The following KDM5A variants were observed in gnomAD, a reference collection of about 807,000 sequenced individuals.
KDM5A encodes lysine-specific demethylase 5A.
A neutral mutation model predicts 193.5 loss-of-function variants in KDM5A; 42 were observed. That is an observed-to-expected ratio of 0.22 (90% CI 0.17 to 0.28). The LOEUF is 0.28. KDM5A is among the 10% of genes least tolerant of loss of function. The probability of loss-of-function intolerance (pLI) is 1.00; values close to 1 mark genes in which losing one functional copy is unlikely to be tolerated. For synonymous variants in KDM5A, 796 were observed against 718.1 expected, an observed-to-expected ratio of 1.11 and a Z score of -1.73; for missense variants, 1,692 against 2,055.1, an observed-to-expected ratio of 0.82 and a Z score of 3.42.
At chr12:300,347 T>A (rs1446582118) in intron 24 of KDM5A, among the ~76,000 whole-genome samples, 2 of 152,112 alleles carry the variant, frequency 1.3e-5, no homozygotes, top group African/African-American at 2.4e-5. Context: ...CAGACCACAG[T>A]GCAATCATAT....
chr12:371,271 G>C (rs1004381162), intron 3 of KDM5A, among the ~76,000 whole-genome samples: 1 of 152,166 alleles, frequency 6.6e-6, no homozygotes, highest in Non-Finnish European at 1.5e-5. Flanking sequence ...ATCCTCTCCA[G>C]CACCTGTTGT....
In KDM5A at chr12:333,412, C is replaced by T. The variant is rs1271876006; in HGVS notation, c.1653+75G>A. On this transcript the variant is annotated intron_variant, in intron 12 of 27. Transcript: ENST00000399788. ...CCAGCCTGGGCAACAGAGCAAGACC[C>T]TGTTTCAAAAAAAAAGAAAAAAGAA... 5.2e-6 allele frequency: 8 copies of T among 1,536,246 alleles called. No individual in the cohort carries two copies. In the East Asian group the frequency reaches 1.8e-4, roughly 35 times the overall value.
rs763975936 is a variant in KDM5A at position 389,005 on chromosome 12, G to T, written c.87C>A (p.Phe29Leu). 6.2e-7 allele frequency: 1 copy of T among 1,611,366 alleles called. No individual in the cohort carries two copies. Among genetic ancestry groups the T allele is most frequent in the South Asian group, 1.1e-5 (1 of 91,004 alleles). The change falls in exon 1 of 28, where the codon TTC (phenylalanine) becomes TTA (leucine). Residue 29 changes from phenylalanine (F) to leucine (L), a missense_variant. Transcript: ENST00000399788. Reference protein sequence around the residue: ...CPVFEPSWEEFTDPLSFIGRI... With the variant: ...CPVFEPSWEELTDPLSFIGRI... ...GGCCGATAAAGCTGAGCGGATCTGT[G>T]AACTCCTCCCAACTCGGCTCAAAGA...
At position 310,939 on chromosome 12, in the gene KDM5A, T is replaced by C. The variant is rs377540422; in HGVS notation, c.3162A>G (p.Arg1054=). 1.2e-5 allele frequency: 20 copies of C among 1,614,214 alleles called. No homozygotes were observed. The African/African-American group carries it at 2.4e-4, about 19-fold the overall frequency. ...ESQVAAARAW[R]ERTGRTFLKK... ...TAAGAAACGTCCGCCCAGTCCGTTC[T>C]CTCCATGCCCGTGCTGCTGCTACCT... is the stretch of plus-strand genomic sequence containing the variant. Residue 1054 remains arginine, a synonymous_variant, in exon 21 of 28, where the codon AGA becomes AGG. Coordinates refer to ENST00000399788, the MANE Select transcript of KDM5A (RefSeq NM_001042603.3).
Position 295,788 on chromosome 12 carries a change from T to C in KDM5A, c.4240A>G (p.Ser1414Gly). The C allele has an allele frequency of 6.2e-7, 1 of 1,613,936 alleles. No individual in the cohort carries two copies. The highest frequency in any genetic ancestry group is 8.5e-7 in the Non-Finnish European group (1 of 1,179,880). ...TTCCGAGGTTGTTTCCTTGGGGTGC[T>C]AGAACCTTTCCCAAAAAATACCATA... ...SASKSCSQGS[S>G]TPRKQPRKSP... The change falls in exon 26 of 28, where the codon AGC (serine) becomes GGC (glycine). Residue 1414 changes from serine (S) to glycine (G), a missense_variant. Around this residue, in one of 11 missense-constraint regions of KDM5A, gnomAD observed 965 missense variants for 1,061.0 expected, o/e 0.91. Transcript: ENST00000399788.
At chr12:333,887 C>A (rs921264243) in intron 11 of KDM5A, among the ~76,000 whole-genome samples, 1 of 152,156 alleles carries the variant, frequency 6.6e-6, no homozygotes, top group East Asian at 1.9e-4. Flanking sequence ...CAACTCAGCA[C>A]ATGAACTCTG....
At chr12:353,492 C>A (rs367637300) in intron 8 of KDM5A, among the ~76,000 whole-genome samples, 81 of 152,176 alleles carry the variant, frequency 5.3e-4, no homozygotes, top group African/African-American at 1.9e-3. Flanking sequence ...TGTTGCCCAG[C>A]AATATTTATT....
chr12:350,202 C>T (rs1336148942), intron 10 of KDM5A, among the ~76,000 whole-genome samples: 2 of 152,010 alleles, frequency 1.3e-5, no homozygotes, highest in African/African-American at 2.4e-5. Context: ...TTTGGGAAGC[C>T]GAGGCAGGCA....
chr12:344,437 G>A (rs1219458003), intron 10 of KDM5A, among the ~76,000 whole-genome samples: 4 of 152,148 alleles, frequency 2.6e-5, no homozygotes, highest in Non-Finnish European at 5.9e-5. Context: ...TACTCCTTGA[G>A]AAGAGCAAAC....
Position 307,881 on chromosome 12 carries a change from T to C in KDM5A, c.3503A>G (p.Lys1168Arg), listed in dbSNP as rs201772572. The change falls in exon 23 of 28, where the codon AAG (lysine) becomes AGG (arginine). Residue 1168 changes from lysine (K) to arginine (R), a missense_variant. Coordinates refer to ENST00000399788, the MANE Select transcript of KDM5A (RefSeq NM_001042603.3). This position sits in a 1 kb window ranked among gnomAD's most constrained non-coding sequence, Gnocchi z 4.3. ...CTGTAGCATAAACCCACTGGCTGTC[T>C]TGCGGCAAATGCAAAATTTTACTTC... ...IEEVKFCICR[K>R]TASGFMLQCE... The C allele has an allele frequency of 1.4e-4, 225 of 1,614,032 alleles. 1 individual carries two copies. Among genetic ancestry groups the C allele is most frequent in the Middle Eastern group, 3.3e-4 (2 of 6,084 alleles).
Position 306,966 on chromosome 12 carries a change from T to A in KDM5A, c.4054A>T (p.Thr1352Ser). ...ACTACCTTCATGTCGTAGCCATATGTCTCTCGAATGTCTTCATCAGAGTCT... is the reference window on the plus strand; with the variant it reads ...ACTACCTTCATGTCGTAGCCATATGACTCTCGAATGTCTTCATCAGAGTCT... ...ETDSDEDIRE[T>S]YGYDMKDTAS... is the part of the protein sequence containing the mutation. The change falls in exon 24 of 28, where the codon ACA (threonine) becomes TCA (serine). Residue 1352 changes from threonine (T) to serine (S), a missense_variant. Physicochemically the swap from Thr to Ser is moderately conservative, Grantham distance 58. Coordinates refer to ENST00000399788, the MANE Select transcript of KDM5A (RefSeq NM_001042603.3). The A allele has an allele frequency of 6.2e-7, 1 of 1,613,908 alleles. No homozygotes were observed. Among genetic ancestry groups the A allele is most frequent in the South Asian group, 1.1e-5 (1 of 91,066 alleles).
chr12:355,494 G>C (rs931924629), intron 6 of KDM5A, among the ~76,000 whole-genome samples: 3 of 152,150 alleles, frequency 2.0e-5, no homozygotes, highest in African/African-American at 7.2e-5. Flanking sequence ...GATCCAGAGA[G>C]CTTACCCATT....
chr12:294,826 C>CAT (rs1943349048), intron 26 of KDM5A, among the ~76,000 whole-genome samples: 1 of 152,174 alleles, frequency 6.6e-6, no homozygotes, highest in African/African-American at 2.4e-5. Context: ...TTACTTTCTT[C>CAT]ATATGCAGAA....
chr12:295,108 G>A (rs144661488), intron 26 of KDM5A, among the ~76,000 whole-genome samples: 39 of 152,152 alleles, frequency 2.6e-4, no homozygotes, highest in Non-Finnish European at 3.5e-4. Flanking sequence ...TGTTCTAAAC[G>A]GGATGGTTAT....
Position 321,068 on chromosome 12 carries a change from A to G in KDM5A, c.2468T>C (p.Val823Ala). 6.2e-7 allele frequency: 1 copy of G among 1,614,140 alleles called. No homozygotes were observed. The highest frequency in any genetic ancestry group is 8.5e-7 in the Non-Finnish European group (1 of 1,179,954). Residue 823 changes from valine (V) to alanine (A), a missense_variant, in exon 18 of 28, where the codon GTG becomes GCG. Around this residue, in one of 11 missense-constraint regions of KDM5A, gnomAD observed 965 missense variants for 1,061.0 expected, o/e 0.91. Coordinates refer to ENST00000399788, the MANE Select transcript of KDM5A (RefSeq NM_001042603.3). ...TTGGACAAAGGCCTTCAATTCTTCC[A>G]CTGTCAGTTTGGTCCGAGTCCTCCC... The part of the protein sequence containing the change: ...DSGRTRTKLT[V>A]EELKAFVQQL...
intron 3 of KDM5A, among the ~76,000 whole-genome samples, chr12:374,639 T>C (rs1323566414): frequency 6.6e-6 from 1 of 152,184 alleles, no homozygotes; most frequent in African/African-American, 2.4e-5. Flanking sequence ...ATTATTTTGC[T>C]CGTTAGTTGA....
At position 283,548 on chromosome 12, in the gene KDM5A, C is replaced by CT. The variant is rs1248802255; in HGVS notation, c.*1907dup. 24 of 230,288 alleles carry CT rather than the reference C, an allele frequency of 1.0e-4. No individual in the cohort carries two copies. Among genetic ancestry groups the CT allele is most frequent in the South Asian group, 3.7e-4 (2 of 5,456 alleles). The allele number at this position is 230,288 out of a possible 1,614,324, so 14.3% of individuals were successfully genotyped here. The stretch of plus-strand genomic sequence containing the variant: ...GAAATTGGATTTTATAAGAAAACAT[C>CT]TTTTTTTTTGTAAGATTCCTTTTGA... On this transcript the variant is annotated 3_prime_UTR_variant, in exon 28 of 28. Coordinates refer to ENST00000399788, the MANE Select transcript of KDM5A (RefSeq NM_001042603.3).
intron 26 of KDM5A, among the ~76,000 whole-genome samples, chr12:294,999 C>T (rs1028115798): frequency 6.6e-6 from 1 of 152,172 alleles, no homozygotes; most frequent in East Asian, 1.9e-4. Context: ...CCCCCCCAGG[C>T]TTCTACTACT....
chr12:309,755 G>A (rs180814609), intron 22 of KDM5A, 48 bp downstream of exon 22: 55 of 1,590,898 alleles, frequency 3.5e-5, no homozygotes, highest in Middle Eastern at 3.3e-4. Flanking sequence ...TATCTCTACA[G>A]AGTTTTGTAT....
Sources: gnomAD v4.1 joint callset for allele counts (sites outside exome capture counted in the v4.1 genomes callset) on GRCh38, gnomAD v4.1.1 for gene constraint, gnomAD v4.1.1 regional missense constraint, Gnocchi (gnomAD v3.1) non-coding constraint, MANE v1.5 for transcripts, NCBI Gene and HGNC (gene_info 2026-07-23, HGNC 2026-07-21) for gene names.